ZNF790: variants seen among roughly 807,000 people sequenced by gnomAD.
The protein encoded by ZNF790 is zinc finger protein 790.
A neutral mutation model predicts 12.1 loss-of-function variants in ZNF790; 8 were observed. That is an observed-to-expected ratio of 0.66 (90% CI 0.39 to 1.19). ZNF790 has a LOEUF of 1.19. Ranked by LOEUF, ZNF790 falls within the 50% of genes most tolerant of loss-of-function variation. The pLI is 0.01. For missense variants in ZNF790, 707 were observed against 752.2 expected (o/e 0.94, Z 0.70); for synonymous variants, 252 against 244.3 (o/e 1.03, Z -0.29).
chr19:36,838,970 A>C (rs116141067), upstream of ZNF790, among the ~76,000 whole-genome samples: 450 of 152,326 alleles, frequency 3.0e-3, 1 homozygote, highest in African/African-American at 1.0e-2. The surrounding 1 kb of genome is among the most constrained non-coding windows in gnomAD (Gnocchi z 4.4). Context: ...TCCATGGGAC[A>C]CAGCTACATG....
rs1375877399 is a variant in ZNF790, at chr19:36,838,050, TTAAA to T, written c.-74+283_-74+286del. The T allele has an allele frequency of 6.6e-6, 1 of 152,280 alleles. No homozygotes were observed. Among genetic ancestry groups the T allele is most frequent in the African/African-American group, 2.4e-5 (1 of 41,376 alleles). The allele number at this position is 152,280 out of a possible 1,614,324, so 9.4% of individuals were successfully genotyped here. A position where few individuals can be genotyped will look rare whatever the true frequency, so the allele number is the denominator to read the frequency against. ...CATAATCACGTACATACAGTCACAT[TTAAA>T]TAGTCCATTAGGGTCACACACAGCG... On this transcript the variant is annotated intron_variant, in intron 1 of 4. Coordinates refer to ENST00000356725, the MANE Select transcript of ZNF790 (RefSeq NM_206894.4). This position sits in a 1 kb window ranked among gnomAD's most constrained non-coding sequence, Gnocchi z 4.4.
In ZNF790 at chr19:36,820,029, T is replaced by G. The variant is rs776804618; in HGVS notation, c.315A>C (p.Arg105Ser). The G allele has an allele frequency of 3.7e-6, 6 of 1,613,368 alleles. No homozygotes were observed. The East Asian group carries it at 1.1e-4, about 30-fold the overall frequency. The change falls in exon 5 of 5, where the codon AGA becomes AGC. Residue 105 changes from arginine (R) to serine (S), a missense_variant. Physicochemically the swap from Arg to Ser is moderately radical, Grantham distance 110 (BLOSUM62 -1). Coordinates refer to ENST00000356725, the MANE Select transcript of ZNF790 (RefSeq NM_206894.4). ...AGTCAAGGCTGTGGTTTTTACAAAT[T>G]CTCATTATTTCCAATTGGGCTATTT... ...EREIAQLEIMRICKNHSLDCL... is the reference protein window; with the variant it reads ...EREIAQLEIMSICKNHSLDCL...
chr19:36,836,240 C>T (rs779615303), intron 1 of ZNF790, among the ~76,000 whole-genome samples: 5 of 152,096 alleles, frequency 3.3e-5, no homozygotes, highest in South Asian at 2.1e-4. Flanking sequence ...GTCAGCCTCC[C>T]GCTTTCTCCC....
At chr19:36,824,894 G>A (rs765236220) in intron 2 of ZNF790, among the ~76,000 whole-genome samples, 20 of 149,198 alleles carry the variant, frequency 1.3e-4, no homozygotes, top group Admixed American at 1.0e-3. Context: ...AGTTTAAACT[G>A]AGAGAATTCT....
At chr19:36,846,828 G>C (rs1359368611) in intron 1 of ZNF790, among the ~76,000 whole-genome samples, 1 of 152,038 alleles carries the variant, frequency 6.6e-6, no homozygotes, top group Non-Finnish European at 1.5e-5. Context: ...GGCATTTGGG[G>C]ACCTTACCAA....
chr19:36,842,101 A>G (rs2072134960), upstream of ZNF790, among the ~76,000 whole-genome samples: 1 of 152,216 alleles, frequency 6.6e-6, no homozygotes, highest in Non-Finnish European at 1.5e-5. Flanking sequence ...CAAAAGCACA[A>G]TCCATAAAAG....
intron 1 of ZNF790, among the ~76,000 whole-genome samples, chr19:36,835,280 CAAAAA>C (rs199767751): frequency 6.7e-6 from 1 of 150,224 alleles, no homozygotes; most frequent in Admixed American, 6.6e-5. Flanking sequence ...GACCCCGTCT[CAAAAA>C]AAATAAAATA....
chr19:36,826,497 C>T (rs921520163), intron 1 of ZNF790, among the ~76,000 whole-genome samples: 3 of 151,022 alleles, frequency 2.0e-5, no homozygotes, highest in Non-Finnish European at 4.4e-5. Flanking sequence ...GCAGGAGAAT[C>T]GCTTGAACCC....
At chr19:36,837,437 C>T (rs1300406577) in intron 1 of ZNF790, among the ~76,000 whole-genome samples, 1 of 152,018 alleles carries the variant, frequency 6.6e-6, no homozygotes, top group Non-Finnish European at 1.5e-5. Context: ...TGTTCACTAC[C>T]TTCAGACCTT....
At chr19:36,826,395 C>T (rs1016307683) in intron 1 of ZNF790, among the ~76,000 whole-genome samples, 1 of 151,670 alleles carries the variant, frequency 6.6e-6, no homozygotes, top group Non-Finnish European at 1.5e-5. Context: ...CCATCTTGGC[C>T]GACATGGTGA....
chr19:36,826,203 A>G (rs969851083), intron 1 of ZNF790, among the ~76,000 whole-genome samples: 6 of 152,228 alleles, frequency 3.9e-5, no homozygotes, highest in Middle Eastern at 3.4e-3. Context: ...AGTGAGCATC[A>G]GGGTGGCTTT....
At chr19:36,832,789 G>T (rs1463675683) in intron 1 of ZNF790, among the ~76,000 whole-genome samples, 4 of 152,156 alleles carry the variant, frequency 2.6e-5, no homozygotes, top group Admixed American at 2.6e-4. Context: ...ATGAAGGTTA[G>T]AGAATAGAAA....
intron 1 of ZNF790, among the ~76,000 whole-genome samples, chr19:36,844,773 G>A (rs974906068): frequency 2.0e-5 from 3 of 152,076 alleles, no homozygotes; most frequent in Middle Eastern, 3.2e-3. Flanking sequence ...CTAGGGCCGG[G>A]CGCGGTGGCT....
At chr19:36,832,900 C>T (rs2071969559) in intron 1 of ZNF790, among the ~76,000 whole-genome samples, 1 of 149,902 alleles carries the variant, frequency 6.7e-6, no homozygotes, top group South Asian at 2.1e-4. Flanking sequence ...ATGTTTAGGA[C>T]TACAGCCAAG....
At chr19:36,842,859 G>A (rs75687222), upstream of ZNF790, among the ~76,000 whole-genome samples, 4 of 151,968 alleles carry the variant, frequency 2.6e-5, no homozygotes, top group Non-Finnish European at 5.9e-5. Context: ...CAAAAAATTA[G>A]CTGGGCGTAG....
intron 1 of ZNF790, among the ~76,000 whole-genome samples, chr19:36,846,157 T>C (rs1367980002): frequency 6.6e-6 from 1 of 152,080 alleles, no homozygotes; most frequent in Non-Finnish European, 1.5e-5. Flanking sequence ...TACACATTCA[T>C]TGTCCACTTC....
At chr19:36,821,078 C>CA (rs955563328) in intron 4 of ZNF790, among the ~76,000 whole-genome samples, 1 of 140,342 alleles carries the variant, frequency 7.1e-6, no homozygotes, top group East Asian at 2.1e-4. Flanking sequence ...TTAACAACAA[C>CA]AAAAAAATAG....
intron 1 of ZNF790, among the ~76,000 whole-genome samples, chr19:36,826,343 T>G (rs2071797609): frequency 6.6e-6 from 1 of 152,000 alleles, no homozygotes; most frequent in Non-Finnish European, 1.5e-5. Flanking sequence ...CCCAGCACTT[T>G]GGGAGGCGAG....
At chr19:36,831,219 T>TA (rs541474927) in intron 1 of ZNF790, among the ~76,000 whole-genome samples, 4 of 151,316 alleles carry the variant, frequency 2.6e-5, no homozygotes, top group Non-Finnish European at 4.4e-5. Context: ...AAAAACTCAC[T>TA]AAAAAAATCA....
Sources: gnomAD v4.1 joint callset for allele counts (sites outside exome capture counted in the v4.1 genomes callset) on GRCh38, gnomAD v4.1.1 for gene constraint, Gnocchi (gnomAD v3.1) non-coding constraint, MANE v1.5 for transcripts, NCBI Gene and HGNC (gene_info 2026-07-23, HGNC 2026-07-21) for gene names.